The following ZNF385B variants were observed in gnomAD, a reference collection of about 807,000 sequenced individuals.
The protein encoded by ZNF385B is zinc finger protein 533.
A neutral mutation model predicts 39.2 loss-of-function variants in ZNF385B; 23 were observed. The observed-to-expected ratio is 0.59, with a 90% CI of 0.42 to 0.83. ZNF385B has a LOEUF of 0.83. Ranked by LOEUF, ZNF385B falls within the 40% of genes least tolerant of loss-of-function variation. The pLI is 0.00. For synonymous variants in ZNF385B, 205 were observed against 222.6 expected, an observed-to-expected ratio of 0.92 and a Z score of 0.70; for missense variants, 552 against 598.9, an observed-to-expected ratio of 0.92 and a Z score of 0.82.
chr2:179,515,573 G>A (rs1201585080), intron 5 of ZNF385B, among the ~76,000 whole-genome samples: 1 of 152,006 alleles, frequency 6.6e-6, no homozygotes, highest in Non-Finnish European at 1.5e-5. Flanking sequence ...CAATAACTGA[G>A]CAATACTGTA....
intron 3 of ZNF385B, among the ~76,000 whole-genome samples, chr2:179,726,735 G>A (rs1006364116): frequency 6.6e-6 from 1 of 151,982 alleles, no homozygotes; most frequent in Admixed American, 6.6e-5. Flanking sequence ...AATAACTTGT[G>A]ACAATGATGA....
chr2:179,842,587 GT>G (rs1238696946), intron 1 of ZNF385B, among the ~76,000 whole-genome samples: 1 of 152,100 alleles, frequency 6.6e-6, no homozygotes, highest in Non-Finnish European at 1.5e-5. Flanking sequence ...CATAGATTGA[GT>G]TTCCTTGTAA....
chr2:179,635,897 T>C (rs1156249291), intron 3 of ZNF385B, among the ~76,000 whole-genome samples: 1 of 152,310 alleles, frequency 6.6e-6, no homozygotes, highest in Admixed American at 6.5e-5. Flanking sequence ...AAACATACTC[T>C]TATTTGTAGG....
intron 1 of ZNF385B, among the ~76,000 whole-genome samples, chr2:179,829,803 G>A (rs967120762): frequency 7.9e-5 from 12 of 152,132 alleles, no homozygotes; most frequent in Non-Finnish European, 1.2e-4. Flanking sequence ...GTGACCCACC[G>A]CGCCCGGCCT....
intron 1 of ZNF385B, among the ~76,000 whole-genome samples, chr2:179,783,272 T>C (rs1234604946): frequency 6.6e-6 from 1 of 152,192 alleles, no homozygotes; most frequent in Admixed American, 6.5e-5. Context: ...GATAACTTGC[T>C]AGCCATATGT....
intron 3 of ZNF385B, among the ~76,000 whole-genome samples, chr2:179,569,763 C>A (rs973237641): frequency 2.6e-5 from 4 of 152,154 alleles, no homozygotes; most frequent in African/African-American, 9.7e-5. Context: ...TGGCTTATAG[C>A]ACCAAGGCTA....
At chr2:179,470,768 G>T (rs570908358) in intron 6 of ZNF385B, among the ~76,000 whole-genome samples, 1 of 152,204 alleles carries the variant, frequency 6.6e-6, no homozygotes, top group Admixed American at 6.5e-5. Flanking sequence ...TCATAAAAAA[G>T]GTACCCTAGA....
intron 4 of ZNF385B, among the ~76,000 whole-genome samples, chr2:179,538,264 C>T (rs2059708318): frequency 6.6e-6 from 1 of 151,896 alleles, no homozygotes; most frequent in African/African-American, 2.4e-5. Flanking sequence ...AAGTATTCTA[C>T]TTAAATTTAA....
chr2:179,675,598 C>T (rs943347287), intron 3 of ZNF385B, among the ~76,000 whole-genome samples: 1 of 152,036 alleles, frequency 6.6e-6, no homozygotes, highest in African/African-American at 2.4e-5. Context: ...GAGTGTGAGT[C>T]ATGCAGGTGA....
At chr2:179,624,638 C>G (rs17820146) in intron 3 of ZNF385B, among the ~76,000 whole-genome samples, 15,372 of 152,186 alleles carry the variant, frequency 0.1, 949 homozygotes, top group Non-Finnish European at 0.14. Context: ...TGCTTTGAAA[C>G]TGCCCTGAAA....
At chr2:179,497,030 CAG>C (rs1045925331) in intron 5 of ZNF385B, among the ~76,000 whole-genome samples, 1 of 152,156 alleles carries the variant, frequency 6.6e-6, no homozygotes, top group African/African-American at 2.4e-5. Context: ...GCCTGGGCAA[CAG>C]AGTGAGAATC....
At position 179,844,826 on chromosome 2, in the gene ZNF385B, A is replaced by C. The variant is rs1027739725; in HGVS notation, c.-155+16275T>G. On this transcript the variant is annotated intron_variant, in intron 1 of 9. Coordinates refer to ENST00000410066, the MANE Select transcript of ZNF385B (RefSeq NM_152520.6). ...CACTCTCAGAACTTGAAAATCCAAT[A>C]AGAAAGGGTCCTCCAAATACAAAGA... Among the ~76,000 whole-genome samples, 6 of 152,310 alleles carry C rather than the reference A, an allele frequency of 3.9e-5. No homozygotes were observed. The East Asian group carries it at 7.7e-4, about 20-fold the overall frequency.
chr2:179,705,284 C>T (rs1465766566), intron 3 of ZNF385B, among the ~76,000 whole-genome samples: 1 of 152,152 alleles, frequency 6.6e-6, no homozygotes, highest in African/African-American at 2.4e-5. Flanking sequence ...TACCTTAGGA[C>T]TACTAGTTCT....
chr2:179,805,256 C>T (rs1047498217), intron 1 of ZNF385B, among the ~76,000 whole-genome samples: 10 of 152,192 alleles, frequency 6.6e-5, no homozygotes, highest in African/African-American at 1.7e-4. Context: ...CCAGGACCAA[C>T]CATCAGCCAT....
At chr2:179,757,894 G>A (rs906199540) in intron 3 of ZNF385B, among the ~76,000 whole-genome samples, 1 of 152,062 alleles carries the variant, frequency 6.6e-6, no homozygotes, top group Non-Finnish European at 1.5e-5. Context: ...GGAATTCCCT[G>A]ACCCCTTGTG....
At chr2:179,822,410 T>C (rs1209917113) in intron 1 of ZNF385B, among the ~76,000 whole-genome samples, 1 of 152,254 alleles carries the variant, frequency 6.6e-6, no homozygotes, top group Non-Finnish European at 1.5e-5. Context: ...TACTACCATT[T>C]AATGATGGTA....
chr2:179,630,611 T>A (rs1447405275), intron 3 of ZNF385B, among the ~76,000 whole-genome samples: 1 of 152,224 alleles, frequency 6.6e-6, no homozygotes, highest in Non-Finnish European at 1.5e-5. Flanking sequence ...GAGTGCCTCT[T>A]ATCCTCCAAA....
chr2:179,535,140 A>C (rs1217297015), intron 4 of ZNF385B, among the ~76,000 whole-genome samples: 2 of 152,124 alleles, frequency 1.3e-5, no homozygotes, highest in African/African-American at 2.4e-5. Flanking sequence ...CATTCTATGC[A>C]CCTCTACTTA....
intron 3 of ZNF385B, among the ~76,000 whole-genome samples, chr2:179,628,352 C>A (rs72967279): frequency 5.5e-4 from 83 of 152,080 alleles, no homozygotes; most frequent in Non-Finnish European, 9.1e-4. Flanking sequence ...GATAGTCCTC[C>A]CCCTTTTTTA....
Sources: gnomAD v4.1 joint callset for allele counts (sites outside exome capture counted in the v4.1 genomes callset) on GRCh38, gnomAD v4.1.1 for gene constraint, MANE v1.5 for transcripts, NCBI Gene and HGNC (gene_info 2026-07-23, HGNC 2026-07-21) for gene names.